Variants in PLGRKT observed in about 807,000 individuals in gnomAD.
PLGRKT encodes the protein plasminogen receptor (KT).
In PLGRKT, 22 loss-of-function variants were observed where a neutral mutation model predicts 18.5. The observed-to-expected ratio is 1.19, with a 90% confidence interval of 0.85 to 1.70. The LOEUF (loss-of-function observed/expected upper bound fraction) is 1.70, where lower values mean the gene tolerates loss of function less well. Among genes scored for constraint, PLGRKT ranks in the 40% most tolerant of loss-of-function variants. The pLI is 0.00. For synonymous variants in PLGRKT, 72 were observed against 52.8 expected (o/e 1.36, Z -1.58); for missense variants, 235 against 174.4 (o/e 1.35, Z -1.96).
At chr9:5,360,416 A>C (rs1817237614) in intron 5 of PLGRKT, among the ~76,000 whole-genome samples, 1 of 152,236 alleles carries the variant, frequency 6.6e-6, no homozygotes, top group Admixed American at 6.5e-5. Context: ...GAAGGCAGCC[A>C]CAGACAATAC....
intron 3 of PLGRKT, among the ~76,000 whole-genome samples, chr9:5,364,876 A>C (rs974535425): frequency 2.6e-5 from 4 of 152,216 alleles, no homozygotes; most frequent in Non-Finnish European, 4.4e-5. Flanking sequence ...ACCATGTGGT[A>C]CTGGATTAGA....
intron 3 of PLGRKT, among the ~76,000 whole-genome samples, chr9:5,408,324 T>A (rs763943509): frequency 1.9e-4 from 29 of 152,140 alleles, no homozygotes; most frequent in Non-Finnish European, 3.8e-4. Flanking sequence ...CAGATGGAAA[T>A]GAAAAACCTA....
chr9:5,373,249 T>C (rs989982001), intron 3 of PLGRKT, among the ~76,000 whole-genome samples: 2 of 152,170 alleles, frequency 1.3e-5, no homozygotes, highest in African/African-American at 2.4e-5. Flanking sequence ...CCCTATCCAC[T>C]GTAGTGTGTA....
In PLGRKT at chr9:5,418,389, C is replaced by A; in HGVS notation, c.81+13508G>T. On this transcript the variant is annotated intron_variant, in intron 3 of 5. Transcript: ENST00000223864. This position sits in a 1 kb window ranked among gnomAD's most constrained non-coding sequence, Gnocchi z 4.2. ...CTCTCCAGCCACAAGATGTCACAGT[C>A]AAGCGCTTAGAAATGCAGGACATGT... 1.3e-6 allele frequency: 1 copy of A among 794,798 alleles called. No homozygotes were observed. Among genetic ancestry groups the A allele is most frequent in the South Asian group, 1.4e-5 (1 of 69,640 alleles). The allele number at this position is 794,798 out of a possible 1,614,324, so 49.2% of individuals were successfully genotyped here.
chr9:5,395,514 A>G (rs559430277), intron 3 of PLGRKT, among the ~76,000 whole-genome samples: 3 of 152,042 alleles, frequency 2.0e-5, no homozygotes, highest in African/African-American at 7.3e-5. Context: ...AAGAAATAAG[A>G]GTAACATTCA....
intron 1 of PLGRKT, among the ~76,000 whole-genome samples, chr9:5,437,142 G>C (rs952228756): frequency 3.9e-5 from 6 of 152,170 alleles, no homozygotes; most frequent in African/African-American, 1.4e-4. Flanking sequence ...GTGAGCTATA[G>C]ATTACTATGG....
Position 5,369,242 on chromosome 9 carries a change from A to G in PLGRKT, c.82-7354T>C, listed in dbSNP as rs190872644. ...GGCTAATATCCAGAATTTACAGAGA[A>G]CTTAAATTTACAAGAAAAAAAGAAC... On this transcript the variant is annotated intron_variant, in intron 3 of 5. Transcript: ENST00000223864. Among the ~76,000 whole-genome samples the G allele has an allele frequency of 5.2e-4, 79 of 152,346 alleles. 1 individual carries two copies. Among genetic ancestry groups the G allele is most frequent in the Admixed American group, 5.1e-3 (78 of 15,302 alleles).
chr9:5,358,144 C>A lies in PLGRKT; in HGVS notation c.*95G>T. 1 of 831,796 alleles carries A rather than the reference C, an allele frequency of 1.2e-6. No homozygotes were observed. 51.5% of individuals were successfully genotyped at this position (831,796 alleles called of 1,614,324 possible). ...GCATTTTAATATTTTAAAATAAAAT[C>A]TATAATATCAAAATCTTGAGCATTT... On this transcript the variant is annotated 3_prime_UTR_variant, in exon 6 of 6. Transcript: ENST00000223864.
intron 3 of PLGRKT, among the ~76,000 whole-genome samples, chr9:5,426,938 G>A (rs369041423): frequency 6.6e-6 from 1 of 152,144 alleles, no homozygotes. Context: ...AGTGCGTGCC[G>A]CTTTCTGTGC....
At chr9:5,419,465 G>A (rs572873091) in intron 3 of PLGRKT, among the ~76,000 whole-genome samples, 5 of 152,340 alleles carry the variant, frequency 3.3e-5, no homozygotes, top group South Asian at 4.1e-4. Context: ...CTACAGCTTC[G>A]CGGGGTGGTC....
At chr9:5,390,388 T>C (rs1356744185) in intron 3 of PLGRKT, among the ~76,000 whole-genome samples, 1 of 151,714 alleles carries the variant, frequency 6.6e-6, no homozygotes, top group East Asian at 1.9e-4. Context: ...ATTTGAAAGA[T>C]CACAGGAGAG....
chr9:5,427,736 C>T (rs1317783049), intron 3 of PLGRKT, among the ~76,000 whole-genome samples: 2 of 152,198 alleles, frequency 1.3e-5, no homozygotes, highest in African/African-American at 4.8e-5. Flanking sequence ...AGACACTTTA[C>T]ATGCCCTGAT....
chr9:5,415,843 C>T (rs1818448825), intron 3 of PLGRKT, among the ~76,000 whole-genome samples: 1 of 151,768 alleles, frequency 6.6e-6, no homozygotes, highest in African/African-American at 2.4e-5. Flanking sequence ...GAAAGAATAA[C>T]TGTCACAGAT....
At chr9:5,411,890 A>G (rs960635701) in intron 3 of PLGRKT, among the ~76,000 whole-genome samples, 23 of 152,294 alleles carry the variant, frequency 1.5e-4, no homozygotes, top group Middle Eastern at 3.4e-3. Flanking sequence ...TCACAAATAA[A>G]CTTATAAGTT....
intron 1 of PLGRKT, among the ~76,000 whole-genome samples, chr9:5,436,982 A>C (rs1213683054): frequency 6.6e-6 from 1 of 152,140 alleles, no homozygotes; most frequent in Non-Finnish European, 1.5e-5. Context: ...GTAAAAAAAA[A>C]TGTCTTGCTA....
At chr9:5,424,486 A>T (rs1015793724) in intron 3 of PLGRKT, among the ~76,000 whole-genome samples, 14 of 125,370 alleles carry the variant, frequency 1.1e-4, no homozygotes, top group East Asian at 8.0e-4. Context: ...ATAAAATATA[A>T]TATATATTAT....
intron 3 of PLGRKT, among the ~76,000 whole-genome samples, chr9:5,372,976 C>T (rs1435800905): frequency 1.3e-5 from 2 of 152,180 alleles, no homozygotes; most frequent in Non-Finnish European, 2.9e-5. Flanking sequence ...CAAACCCAGG[C>T]CTGCCTGCTC....
At chr9:5,392,317 C>T (rs1276481643) in intron 3 of PLGRKT, 2 of 151,832 alleles carry the variant, frequency 1.3e-5, no homozygotes, top group African/African-American at 2.4e-5. Context: ...AAATGAACTG[C>T]CATTGACAAT....
chr9:5,424,666 TTTTATA>T (rs1450091257), intron 3 of PLGRKT, among the ~76,000 whole-genome samples: 2 of 103,230 alleles, frequency 1.9e-5, no homozygotes, highest in Admixed American at 1.2e-4. Context: ...TAATTATATA[TTTTATA>T]TATATATATA....
Sources: allele counts gnomAD v4.1 joint callset (sites outside exome capture counted in the v4.1 genomes callset), GRCh38; gene constraint gnomAD v4.1.1; non-coding constraint Gnocchi (gnomAD v3.1); transcripts MANE v1.5; gene names NCBI Gene and HGNC (gene_info 2026-07-23, HGNC 2026-07-21).